Variants in CELF2 observed in about 807,000 individuals in gnomAD.
The protein encoded by CELF2 is CUGBP Elav-like family member 2, also known as CUG triplet repeat RNA-binding protein 2.
CELF2 carries 8 observed loss-of-function variants against 62.6 expected under a neutral mutation model. The observed-to-expected ratio is 0.13, with a 90% CI of 0.07 to 0.23. CELF2 has a LOEUF of 0.23. Among genes scored for constraint, CELF2 ranks in the 10% least tolerant of loss-of-function variants. The pLI, the probability that CELF2 is intolerant of heterozygous loss-of-function variation, is 1.00. For missense variants in CELF2, 333 were observed against 671.0 expected (o/e 0.50, Z 5.56); for synonymous variants, 258 against 250.0 (o/e 1.03, Z -0.30).
the CELF2 span, among the ~76,000 whole-genome samples, chr10:10,785,593 G>A: frequency 4.6e-5 from 7 of 152,128 alleles, no homozygotes; most frequent in African/African-American, 1.4e-4. Flanking sequence ...GAACCTGGAG[G>A]ACATTATGTT....
the CELF2 span, among the ~76,000 whole-genome samples, chr10:10,495,905 C>G: frequency 6.6e-6 from 1 of 152,190 alleles, no homozygotes; most frequent in African/African-American, 2.4e-5. Flanking sequence ...TTTATTTCTA[C>G]TTAATAGAGT....
the CELF2 span, among the ~76,000 whole-genome samples, chr10:10,589,257 G>A: frequency 6.6e-6 from 1 of 152,218 alleles, no homozygotes; most frequent in Non-Finnish European, 1.5e-5. Flanking sequence ...ATGTCTGGAT[G>A]AAGATACAGG....
intron 1 of CELF2, among the ~76,000 whole-genome samples, chr10:10,871,804 G>A (rs1021787031): frequency 6.6e-6 from 1 of 152,160 alleles, no homozygotes; most frequent in Non-Finnish European, 1.5e-5. Context: ...AAGGAGAGAG[G>A]AAGTAGTGAA....
chr10:10,808,789 T>C (rs563276414), intron 1 of CELF2, among the ~76,000 whole-genome samples: 1 of 152,174 alleles, frequency 6.6e-6, no homozygotes, highest in African/African-American at 2.4e-5. Flanking sequence ...CTAGGAAGAT[T>C]ACTAAAAAGT....
chr10:11,263,242 A>T (rs1294772544), intron 5 of CELF2, among the ~76,000 whole-genome samples: 1 of 152,078 alleles, frequency 6.6e-6, no homozygotes. Flanking sequence ...CATTTCTGTT[A>T]GCAATTCGTA....
chr10:11,245,863 G>A (rs1158784062), intron 3 of CELF2, among the ~76,000 whole-genome samples: 1 of 152,220 alleles, frequency 6.6e-6, no homozygotes, highest in African/African-American at 2.4e-5. Flanking sequence ...ATATGGCCAA[G>A]TCCCACATTG....
chr10:10,774,023 T>C, the CELF2 span, among the ~76,000 whole-genome samples: 33 of 152,294 alleles, frequency 2.2e-4, no homozygotes, highest in Admixed American at 2.0e-3. Context: ...TTTTCTACTG[T>C]CATGGAGAGA....
intron 3 of CELF2, among the ~76,000 whole-genome samples, chr10:11,221,753 T>A (rs949753264): frequency 6.6e-6 from 1 of 152,264 alleles, no homozygotes; most frequent in Non-Finnish European, 1.5e-5. Context: ...AGACATCTTC[T>A]CTGAATATGC....
chr10:11,053,591 C>T (rs868161545), intron 1 of CELF2, among the ~76,000 whole-genome samples: 1 of 148,054 alleles, frequency 6.8e-6, no homozygotes, highest in Non-Finnish European at 1.5e-5. Flanking sequence ...TTTGGGCATT[C>T]GTAGGCATAC....
chr10:11,031,303 GT>G (rs1564444670), intron 1 of CELF2, among the ~76,000 whole-genome samples: 1 of 152,162 alleles, frequency 6.6e-6, no homozygotes. Flanking sequence ...CAGGATATCA[GT>G]GGAGTTTCAA....
chr10:10,869,024 A>G (rs182716234), intron 1 of CELF2, among the ~76,000 whole-genome samples: 146 of 152,344 alleles, frequency 9.6e-4, no homozygotes, highest in African/African-American at 3.4e-3. Flanking sequence ...ATTAGGACAA[A>G]CCAAACTACT....
chr10:11,221,415 GT>G (rs2064838928), intron 3 of CELF2, among the ~76,000 whole-genome samples: 1 of 152,198 alleles, frequency 6.6e-6, no homozygotes, highest in Non-Finnish European at 1.5e-5. Context: ...AAAAAATAAA[GT>G]AAAATAGAGA....
chr10:10,716,803 A>G, the CELF2 span, among the ~76,000 whole-genome samples: 3 of 152,318 alleles, frequency 2.0e-5, no homozygotes, highest in South Asian at 6.2e-4. Context: ...GGAACATTCC[A>G]ACACTTTCGC....
intron 8 of CELF2, among the ~76,000 whole-genome samples, chr10:11,284,197 GGTGGGTGA>G (rs2090227644): frequency 1.9e-5 from 2 of 107,174 alleles, no homozygotes; most frequent in Non-Finnish European, 3.7e-5. Context: ...GTGCGTGGTG[GGTGGGTGA>G]GGGATGAGTG....
chr10:11,284,232 G>T (rs867808674), intron 8 of CELF2, among the ~76,000 whole-genome samples: 2 of 7,014 alleles, frequency 2.9e-4, no homozygotes, highest in Non-Finnish European at 2.8e-4. Context: ...GGGTGGATGA[G>T]GGATGGAGGG....
At chr10:10,592,899 T>C in the CELF2 span, among the ~76,000 whole-genome samples, 16 of 152,052 alleles carry the variant, frequency 1.1e-4, no homozygotes, top group Admixed American at 6.6e-5. Flanking sequence ...ATTTTGAAAA[T>C]GTTTAGAAAG....
At chr10:11,054,477 GTGTATGTGTGTT>G (rs1564538455) in intron 1 of CELF2, among the ~76,000 whole-genome samples, 1 of 99,810 alleles carries the variant, frequency 1.0e-5, no homozygotes. Flanking sequence ...GAAAACAACT[GTGTATGTGTGTT>G]TGTGTGTGTG....
chr10:10,540,104 G>T, the CELF2 span, among the ~76,000 whole-genome samples: 1 of 152,150 alleles, frequency 6.6e-6, no homozygotes, highest in Non-Finnish European at 1.5e-5. Flanking sequence ...ATTTTGAGTT[G>T]ATTGGAAGAA....
rs980333266 is a variant in CELF2, at chr10:10,995,661, C to T, written c.89+75662C>T. 3.3e-5 allele frequency among the ~76,000 whole-genome samples: 5 copies of T among 152,068 alleles called. No individual in the cohort carries two copies. Among genetic ancestry groups the T allele is most frequent in the African/African-American group, 7.2e-5 (3 of 41,412 alleles). ...GGGGACACCTTCAAAGAGTTGTAAG[C>T]GGGAGACAGCTATGACCATATTTCA... On this transcript the variant is annotated intron_variant, in intron 2 of 13. Coordinates refer to the CELF2 transcript ENST00000636488. The surrounding 1 kb of genome is among the most constrained non-coding windows in gnomAD (Gnocchi z 4.7).
Sources: gnomAD v4.1 joint callset for allele counts (sites outside exome capture counted in the v4.1 genomes callset) on GRCh38, gnomAD v4.1.1 for gene constraint, Gnocchi (gnomAD v3.1) non-coding constraint, MANE v1.5 for transcripts, NCBI Gene and HGNC (gene_info 2026-07-23, HGNC 2026-07-21) for gene names.